The following ADAMTSL1 variants were observed in gnomAD, a reference collection of about 807,000 sequenced individuals.
ADAMTSL1 encodes the protein ADAMTS-like protein 1.
A neutral mutation model predicts 201.8 loss-of-function variants in ADAMTSL1; 126 were observed. The ratio of observed to expected loss-of-function variants is 0.62; its 90% CI spans 0.54 to 0.72. The LOEUF is 0.72. ADAMTSL1 is among the 30% of genes least tolerant of loss of function. The probability of loss-of-function intolerance (pLI) is 0.00; values close to 1 mark genes in which losing one functional copy is unlikely to be tolerated. For synonymous variants in ADAMTSL1, 1,121 were observed against 903.4 expected (o/e 1.24, Z -4.32); for missense variants, 2,679 against 2,277.8 (o/e 1.18, Z -3.59).
At chr9:18,283,587 A>G (rs1305382677) in intron 2 of ADAMTSL1, among the ~76,000 whole-genome samples, 14 of 132,704 alleles carry the variant, frequency 1.1e-4, no homozygotes, top group East Asian at 7.0e-4. Flanking sequence ...CAGTGGTTGA[A>G]GGAATGAGAA....
At chr9:18,679,895 T>G (rs1830354597) in intron 10 of ADAMTSL1, among the ~76,000 whole-genome samples, 1 of 152,196 alleles carries the variant, frequency 6.6e-6, no homozygotes, top group African/African-American at 2.4e-5. Context: ...TATCTGCAGG[T>G]GCAAACCATT....
rs911377693 is a variant in ADAMTSL1, at chr9:18,667,967, A to G, written c.1085+5894A>G. Among the ~76,000 whole-genome samples the G allele has an allele frequency of 2.0e-5, 3 of 152,156 alleles. No individual in the cohort carries two copies. In the East Asian group the frequency reaches 5.8e-4, roughly 29 times the overall value. Reference sequence around the variant, plus strand: ...AAGTCTCAGTTCACAAGTGTCTGATAACCTCTACTTTACCAGCTGTGAGAC... The same window carrying G: ...AAGTCTCAGTTCACAAGTGTCTGATGACCTCTACTTTACCAGCTGTGAGAC... On this transcript the variant is annotated intron_variant, in intron 9 of 28. Coordinates refer to ENST00000380548, the MANE Select transcript of ADAMTSL1 (RefSeq NM_001040272.6).
chr9:18,456,382 C>T (rs926103229), intron 2 of ADAMTSL1, among the ~76,000 whole-genome samples: 1 of 152,150 alleles, frequency 6.6e-6, no homozygotes, highest in African/African-American at 2.4e-5. Context: ...TTGCTGCATA[C>T]TTCCTCAGTG....
At chr9:18,010,851 T>C (rs1820022341) in intron 1 of ADAMTSL1, among the ~76,000 whole-genome samples, 1 of 152,072 alleles carries the variant, frequency 6.6e-6, no homozygotes, top group Admixed American at 6.5e-5. Context: ...CAATTAGTTT[T>C]GCCTATGAAT....
intron 1 of ADAMTSL1, among the ~76,000 whole-genome samples, chr9:18,119,111 A>G (rs1825387934): frequency 1.3e-5 from 2 of 152,108 alleles, no homozygotes; most frequent in South Asian, 2.1e-4. Flanking sequence ...CATTTCATTA[A>G]TTTGTGAGAA....
intron 2 of ADAMTSL1, among the ~76,000 whole-genome samples, chr9:18,430,913 G>T (rs1819460341): frequency 6.6e-6 from 1 of 152,188 alleles, no homozygotes; most frequent in African/African-American, 2.4e-5. Context: ...AGCCATAAAT[G>T]ATCTGTACAG....
chr9:18,806,104 A>G (rs1350957997), intron 20 of ADAMTSL1, among the ~76,000 whole-genome samples: 1 of 152,238 alleles, frequency 6.6e-6, no homozygotes, highest in Admixed American at 6.5e-5. Context: ...AAAGGAATGG[A>G]AGGAAGACCC....
intron 3 of ADAMTSL1, among the ~76,000 whole-genome samples, chr9:18,557,948 G>T (rs1257591008): frequency 6.6e-6 from 1 of 151,972 alleles, no homozygotes; most frequent in Non-Finnish European, 1.5e-5. Context: ...GGGCATAAAA[G>T]CACAATGAAG....
At chr9:18,363,856 T>A (rs934579663) in intron 2 of ADAMTSL1, among the ~76,000 whole-genome samples, 2 of 151,998 alleles carry the variant, frequency 1.3e-5, no homozygotes, top group African/African-American at 4.8e-5. Flanking sequence ...ACAAGCAAGA[T>A]AAAGAGACTG....
At chr9:18,206,526 A>C (rs1182490457) in intron 2 of ADAMTSL1, among the ~76,000 whole-genome samples, 1 of 152,024 alleles carries the variant, frequency 6.6e-6, no homozygotes, top group Non-Finnish European at 1.5e-5. Context: ...ATAGTTTCTA[A>C]TTATTTTATG....
intron 1 of ADAMTSL1, among the ~76,000 whole-genome samples, chr9:18,504,041 A>T (rs2131926959): frequency 6.6e-6 from 1 of 151,768 alleles, no homozygotes; most frequent in Non-Finnish European, 1.5e-5. Context: ...CCAATTTGTA[A>T]AAAGGGAAAT....
chr9:18,066,929 T>C (rs534561840), intron 1 of ADAMTSL1, among the ~76,000 whole-genome samples: 80 of 152,160 alleles, frequency 5.3e-4, no homozygotes, highest in Non-Finnish European at 7.9e-4. Context: ...TAGGTGGGAA[T>C]TGAACAATGA....
At chr9:18,270,837 G>C (rs1450113498) in intron 2 of ADAMTSL1, among the ~76,000 whole-genome samples, 1 of 152,128 alleles carries the variant, frequency 6.6e-6, no homozygotes, top group East Asian at 1.9e-4. Context: ...AAATATGAGT[G>C]GAAGTGATAT....
intron 1 of ADAMTSL1, among the ~76,000 whole-genome samples, chr9:18,118,485 T>C (rs914668086): frequency 7.2e-5 from 11 of 152,182 alleles, no homozygotes; most frequent in Non-Finnish European, 1.6e-4. Flanking sequence ...CATCCCTAAA[T>C]GAAAGTGCCC....
intron 1 of ADAMTSL1, among the ~76,000 whole-genome samples, chr9:18,149,902 A>T (rs1335670677): frequency 6.6e-6 from 1 of 152,050 alleles, no homozygotes; most frequent in Non-Finnish European, 1.5e-5. Flanking sequence ...ATGTAGAGGG[A>T]AAAGAAAAGA....
At chr9:18,452,023 C>T (rs555069492) in intron 2 of ADAMTSL1, among the ~76,000 whole-genome samples, 7 of 152,336 alleles carry the variant, frequency 4.6e-5, no homozygotes, top group African/African-American at 1.7e-4. Flanking sequence ...CGATTCTCCT[C>T]CTTCCTCAGC....
At chr9:18,486,255 C>T (rs141286944) in intron 1 of ADAMTSL1, among the ~76,000 whole-genome samples, 1 of 152,194 alleles carries the variant, frequency 6.6e-6, no homozygotes, top group Non-Finnish European at 1.5e-5. Flanking sequence ...TCGGGAACAA[C>T]CAATGTATCT....
At chr9:18,567,114 T>TA (rs1821955111) in intron 3 of ADAMTSL1, among the ~76,000 whole-genome samples, 1 of 152,144 alleles carries the variant, frequency 6.6e-6, no homozygotes, top group Non-Finnish European at 1.5e-5. Context: ...TCCTGTATTT[T>TA]AAAAAGGCCT....
chr9:18,847,254 G>T (rs999383349), intron 23 of ADAMTSL1, among the ~76,000 whole-genome samples: 4 of 152,114 alleles, frequency 2.6e-5, no homozygotes, highest in Non-Finnish European at 5.9e-5. Context: ...TAATTGGGGT[G>T]GGGGTAGGGG....
Sources: gnomAD v4.1 joint callset for allele counts (sites outside exome capture counted in the v4.1 genomes callset) on GRCh38, gnomAD v4.1.1 for gene constraint, MANE v1.5 for transcripts, NCBI Gene and HGNC (gene_info 2026-07-23, HGNC 2026-07-21) for gene names.